NUCB1: variants seen among roughly 807,000 people sequenced by gnomAD.
NUCB1 encodes nucleobindin 1.
A neutral mutation model predicts 61.2 loss-of-function variants in NUCB1; 47 were observed. The ratio of observed to expected loss-of-function variants is 0.77; its 90% CI spans 0.61 to 0.98. The LOEUF (loss-of-function observed/expected upper bound fraction) is 0.98. NUCB1 is among the 50% of genes least tolerant of loss of function. The pLI is 0.00. For synonymous variants in NUCB1, 234 were observed against 243.1 expected, an observed-to-expected ratio of 0.96 and a Z score of 0.35; for missense variants, 583 against 605.3, an observed-to-expected ratio of 0.96 and a Z score of 0.39.
chr19:48,916,946 G>A (rs1055128283), intron 7 of NUCB1, among the ~76,000 whole-genome samples: 2 of 151,828 alleles, frequency 1.3e-5, no homozygotes, highest in Non-Finnish European at 2.9e-5. Context: ...TAGGCCCGGC[G>A]CAGTGGCTTA....
rs372201233 is a variant in NUCB1, at chr19:48,921,168, C to G, written c.1017C>G (p.His339Gln). Residue 339 changes from histidine to glutamine, a missense_variant, in exon 11 of 13, where the codon CAC becomes CAG. His to Gln is a conservative substitution (Grantham distance 24). Coordinates refer to ENST00000405315, the MANE Select transcript of NUCB1 (RefSeq NM_006184.6). The part of the protein sequence containing the change: ...TGEGWETVEM[H>Q]PAYTEEELRR... ...CTGCCCTGCAGACAGTGGAGATGCA[C>G]CCTGCCTACACCGAGGAAGAGCTGA... The G allele has an allele frequency of 1.1e-5, 18 of 1,610,078 alleles. No homozygotes were observed. In the African/African-American group the frequency reaches 2.1e-4, roughly 19 times the overall value.
chr19:48,910,833 T>C, intron 4 of NUCB1: 1 of 217,280 alleles, frequency 4.6e-6, no homozygotes, highest in East Asian at 1.3e-4. Context: ...ATTCATAAAA[T>C]GGGGATAATC....
chr19:48,919,357 T>G (rs1273431628), intron 10 of NUCB1, 71 bp downstream of exon 10: 12 of 1,170,512 alleles, frequency 1.0e-5, no homozygotes, highest in African/African-American at 1.5e-5. Context: ...TTTCAGAATC[T>G]TAGGCCCCTT....
chr19:48,918,518 A>C (rs1044734282), intron 7 of NUCB1: 18 of 597,640 alleles, frequency 3.0e-5, no homozygotes, highest in African/African-American at 2.6e-4. Context: ...GATCTATTCC[A>C]TTCTCAACCC....
chr19:48,911,133 CT>C lies in NUCB1; in HGVS notation c.377-14del. 2 of 1,586,630 alleles carry C rather than the reference CT, an allele frequency of 1.3e-6. No individual in the cohort carries two copies. The highest frequency in any genetic ancestry group is 1.1e-5 in the South Asian group (1 of 90,250). On this transcript the variant is annotated splice_polypyrimidine_tract_variant and intron_variant, in intron 4 of 12. Transcript: ENST00000405315. ...AGAACATGCCCTCAGGTGTTGGACT[CT>C]TCCCTCTCTTCCAGATGTACAGGTG...
At chr19:48,904,757 C>T (rs1376691032) in intron 3 of NUCB1, among the ~76,000 whole-genome samples, 5 of 152,042 alleles carry the variant, frequency 3.3e-5, no homozygotes, top group Admixed American at 6.6e-5. Flanking sequence ...CTCCTGACCT[C>T]GTGATCCTCC....
chr19:48,910,733 T>G (rs1410108041), intron 4 of NUCB1, among the ~76,000 whole-genome samples: 1 of 151,814 alleles, frequency 6.6e-6, no homozygotes, highest in Admixed American at 6.6e-5. Context: ...GGTTTTTGGA[T>G]GTCCAATGGC....
intron 10 of NUCB1, among the ~76,000 whole-genome samples, chr19:48,920,108 C>CT (rs398034916): frequency 0.024 from 15 of 618 alleles, no homozygotes; most frequent in Non-Finnish European, 2.7e-3. Flanking sequence ...CAGGGTTTTG[C>CT]ATGTTGGCCA....
chr19:48,901,538 C>T (rs1186777842), intron 2 of NUCB1, among the ~76,000 whole-genome samples: 1 of 152,102 alleles, frequency 6.6e-6, no homozygotes, highest in African/African-American at 2.4e-5. Flanking sequence ...CCGAGACAGG[C>T]GGATCACTTG....
intron 10 of NUCB1, among the ~76,000 whole-genome samples, chr19:48,920,584 T>C (rs942168448): frequency 6.6e-6 from 1 of 151,810 alleles, no homozygotes; most frequent in Admixed American, 6.6e-5. Context: ...AGTGCAATGG[T>C]GCATTCTCAG....
In NUCB1 at chr19:48,905,940, TCA is replaced by T; in HGVS notation, c.376+57_376+58del. The T allele has an allele frequency of 2.8e-6, 4 of 1,447,996 alleles. 1 individual carries two copies. Among genetic ancestry groups the T allele is most frequent in the Non-Finnish European group, 3.8e-6 (4 of 1,057,614 alleles). 89.7% of individuals were successfully genotyped at this position (1,447,996 alleles called of 1,614,324 possible). On this transcript the variant is annotated intron_variant, in intron 4 of 12. Transcript: ENST00000405315. ...CAGGGAGGGGTGGGGAAGGGTGGCCTCACTCCCGGCCTCCAGGTGGTTGTGTG... is the reference window on the plus strand; with the variant it reads ...CAGGGAGGGGTGGGGAAGGGTGGCCTCTCCCGGCCTCCAGGTGGTTGTGTG...
intron 4 of NUCB1, among the ~76,000 whole-genome samples, chr19:48,907,920 G>A (rs946248385): frequency 1.5e-4 from 23 of 151,224 alleles, no homozygotes; most frequent in African/African-American, 5.1e-4. Context: ...CGTTCGCCCC[G>A]CTCTCCCGTG....
chr19:48,906,195 C>T (rs570105316), intron 4 of NUCB1, among the ~76,000 whole-genome samples: 1 of 152,120 alleles, frequency 6.6e-6, no homozygotes, highest in South Asian at 2.1e-4. Flanking sequence ...CACCTGAGGT[C>T]GGGAATTGGA....
rs751890740 is a variant in NUCB1 at position 48,901,062 on chromosome 19, C to T, written c.135+131C>T. ...ACAGTTGTAGCTTGTTTTTTGCCCA[C>T]CATTCCTCCCAGCAGCAGGGGTTTG... On this transcript the variant is annotated intron_variant, in intron 2 of 12. Coordinates refer to ENST00000405315, the MANE Select transcript of NUCB1 (RefSeq NM_006184.6). The T allele has an allele frequency of 2.6e-5, 28 of 1,068,550 alleles. No homozygotes were observed. In the South Asian group the frequency reaches 3.4e-4, roughly 13 times the overall value. 66.2% of individuals were successfully genotyped at this position (1,068,550 alleles called of 1,614,324 possible). A position where few individuals can be genotyped will look rare whatever the true frequency, so the allele number is the denominator to read the frequency against.
rs2037401896 is a variant in NUCB1 at position 48,905,621 on chromosome 19, A to G, written c.244-132A>G. 3.8e-6 allele frequency: 4 copies of G among 1,060,704 alleles called. No homozygotes were observed. The East Asian group carries it at 9.7e-5, about 26-fold the overall frequency. The allele number at this position is 1,060,704 out of a possible 1,614,324, so 65.7% of individuals were successfully genotyped here. ...GGGCTGGGAGCTGTCCTTCCTGGAG[A>G]CTCTGAGGAGCTGGGGGACTATAAG... On this transcript the variant is annotated intron_variant, in intron 3 of 12. Transcript: ENST00000405315.
At chr19:48,914,981 G>T (rs141979089) in intron 7 of NUCB1, among the ~76,000 whole-genome samples, 3,542 of 152,210 alleles carry the variant, frequency 0.023, 141 homozygotes, top group African/African-American at 0.081. Context: ...TCAGGAGGCT[G>T]AGGTGGGAGA....
At chr19:48,907,657 C>T (rs991993165) in intron 4 of NUCB1, among the ~76,000 whole-genome samples, 7 of 152,166 alleles carry the variant, frequency 4.6e-5, no homozygotes, top group African/African-American at 1.7e-4. Flanking sequence ...TTCCGGGGAT[C>T]AGGATGTGGA....
At chr19:48,921,542 G>A (rs1351252298) in intron 11 of NUCB1, among the ~76,000 whole-genome samples, 2 of 152,200 alleles carry the variant, frequency 1.3e-5, no homozygotes, top group South Asian at 2.1e-4. Flanking sequence ...CTGTAAGTGA[G>A]GAGGGAAAGG....
rs138890325 is a variant in NUCB1, at chr19:48,900,887, C to T, written c.91C>T (p.Arg31Ter). Residue 31 changes from arginine to a stop codon, truncating the protein, a stop_gained, in exon 2 of 13, where the codon CGA (arginine) becomes TGA (stop). Coordinates refer to ENST00000405315, the MANE Select transcript of NUCB1 (RefSeq NM_006184.6). LOFTEE classifies it high-confidence loss of function. Reference sequence around the variant, plus strand: ...CGCCGTGCTGGCTGTCCCCCTGGAGCGAGGGGCGCCCAACAAGGAGGAGAC... The same window carrying T: ...CGCCGTGCTGGCTGTCCCCCTGGAGTGAGGGGCGCCCAACAAGGAGGAGAC... ...LRAVLAVPLE[R>*]GAPNKEETPA... The T allele has an allele frequency of 3.3e-5, 53 of 1,613,778 alleles. No homozygotes were observed. Among genetic ancestry groups the T allele is most frequent in the Non-Finnish European group, 4.2e-5 (49 of 1,180,026 alleles).
Sources: allele counts gnomAD v4.1 joint callset (sites outside exome capture counted in the v4.1 genomes callset), GRCh38; gene constraint gnomAD v4.1.1; transcripts MANE v1.5; gene names NCBI Gene and HGNC (gene_info 2026-07-23, HGNC 2026-07-21).